Variants in GPC5 observed in about 807,000 individuals in gnomAD.
The protein encoded by GPC5 is glypican 5.
Under a neutral mutation model 53.9 loss-of-function variants are expected in GPC5, and 47 were observed. The ratio of observed to expected loss-of-function variants is 0.87; its 90% confidence interval spans 0.69 to 1.11. GPC5 has a LOEUF of 1.11. Ranked by LOEUF, GPC5 falls within the 50% of genes most tolerant of loss-of-function variation. The pLI is 0.00. For synonymous variants in GPC5, 286 were observed against 263.3 expected (o/e 1.09, Z -0.84); for missense variants, 748 against 713.1 (o/e 1.05, Z -0.56).
intron 5 of GPC5, among the ~76,000 whole-genome samples, chr13:91,854,934 T>C (rs7985482): frequency 0.19 from 28,525 of 151,590 alleles, 2,975 homozygotes; most frequent in East Asian, 0.31. Flanking sequence ...CACTTTCAAG[T>C]CACACGATTT....
intron 7 of GPC5, among the ~76,000 whole-genome samples, chr13:92,242,880 T>C (rs1157027740): frequency 6.6e-6 from 1 of 152,164 alleles, no homozygotes; most frequent in Non-Finnish European, 1.5e-5. Context: ...AAAGAAATAT[T>C]AAAGCTATAG....
At position 91,576,930 on chromosome 13, in the gene GPC5, T is replaced by TA. The variant is rs5805706; in HGVS notation, c.326-116245dup. On this transcript the variant is annotated intron_variant, in intron 2 of 7. Transcript: ENST00000377067. ...CAATATTTAGCTTCTGGTTCATCTG[T>TA]AAAAAAAAAAAATTTGTATGTGAAA... 8.2e-3 allele frequency among the ~76,000 whole-genome samples: 1,228 copies of TA among 149,574 alleles called. 5 individuals carry two copies. The highest frequency in any genetic ancestry group is 0.012 in the Non-Finnish European group (831 of 67,084).
chr13:91,860,168 T>TCCGATC (rs1055287920), intron 5 of GPC5, among the ~76,000 whole-genome samples: 4 of 152,182 alleles, frequency 2.6e-5, no homozygotes, highest in African/African-American at 9.6e-5. Context: ...AACTTATTCC[T>TCCGATC]CCGATCCAGC....
At chr13:91,493,532 T>C (rs557588775) in intron 2 of GPC5, among the ~76,000 whole-genome samples, 1 of 152,274 alleles carries the variant, frequency 6.6e-6, no homozygotes, top group South Asian at 2.1e-4. Flanking sequence ...ACCAACCTTC[T>C]ACTGTCTATC....
intron 2 of GPC5, among the ~76,000 whole-genome samples, chr13:91,635,237 A>T (rs2034258185): frequency 6.6e-6 from 1 of 152,150 alleles, no homozygotes; most frequent in Non-Finnish European, 1.5e-5. Context: ...ATAGAAGCCT[A>T]ATATAAACTC....
intron 7 of GPC5, among the ~76,000 whole-genome samples, chr13:92,789,432 A>AGAT (rs1330902769): frequency 6.6e-6 from 1 of 152,232 alleles, no homozygotes; most frequent in Non-Finnish European, 1.5e-5. Flanking sequence ...ACTGCTGACA[A>AGAT]GATTACACAG....
At chr13:92,840,121 A>G (rs1159589365) in intron 7 of GPC5, among the ~76,000 whole-genome samples, 1 of 115,028 alleles carries the variant, frequency 8.7e-6, no homozygotes, top group Admixed American at 9.2e-5. Context: ...ATATATATAT[A>G]TATGAGTACA....
At chr13:92,632,837 A>G (rs1885296412) in intron 7 of GPC5, among the ~76,000 whole-genome samples, 1 of 152,050 alleles carries the variant, frequency 6.6e-6, no homozygotes, top group African/African-American at 2.4e-5. Context: ...TTTTGCATGG[A>G]TGGCAGCAAG....
chr13:91,698,716 T>G (rs1293148415), intron 3 of GPC5, among the ~76,000 whole-genome samples: 1 of 152,096 alleles, frequency 6.6e-6, no homozygotes, highest in Non-Finnish European at 1.5e-5. Context: ...TAAATTTAGA[T>G]ATTAAATGCA....
chr13:91,800,005 C>A (rs189650018), intron 5 of GPC5, among the ~76,000 whole-genome samples: 2 of 152,088 alleles, frequency 1.3e-5, no homozygotes, highest in African/African-American at 4.8e-5. Flanking sequence ...CAAGTATCAA[C>A]CCTAGTTTTT....
chr13:92,639,076 C>A (rs558344356), intron 7 of GPC5, among the ~76,000 whole-genome samples: 82 of 152,274 alleles, frequency 5.4e-4, no homozygotes, highest in Non-Finnish European at 9.9e-4. Flanking sequence ...CTGTCTTTTA[C>A]ATAATATCCT....
chr13:92,730,495 C>T (rs889524839), intron 7 of GPC5, among the ~76,000 whole-genome samples: 4 of 151,254 alleles, frequency 2.6e-5, no homozygotes, highest in African/African-American at 9.7e-5. Context: ...TGTTGTCTTC[C>T]AGGAGTTTTA....
chr13:91,876,745 A>C lies in GPC5; in HGVS notation c.1281-31192A>C, dbSNP rs145489153. Among the ~76,000 whole-genome samples the C allele has an allele frequency of 2.3e-3, 356 of 152,350 alleles. 4 individuals carry two copies. The highest frequency in any genetic ancestry group is 5.3e-3 in the African/African-American group (222 of 41,576). On this transcript the variant is annotated intron_variant, in intron 5 of 7. Coordinates refer to ENST00000377067, the MANE Select transcript of GPC5 (RefSeq NM_004466.6). Reference sequence around the variant, plus strand: ...CGGGGGAGAAATTCAAGCTGGCTGGAGAAATTTGCATAAGTAGCAAGGAGC... The same window carrying C: ...CGGGGGAGAAATTCAAGCTGGCTGGCGAAATTTGCATAAGTAGCAAGGAGC...
chr13:92,176,718 C>T (rs2042111280), intron 7 of GPC5, among the ~76,000 whole-genome samples: 1 of 152,164 alleles, frequency 6.6e-6, no homozygotes, highest in African/African-American at 2.4e-5. Context: ...GTGCCTGGAG[C>T]TAGGCCCAGT....
rs370409305 is a variant in GPC5 at position 91,460,019 on chromosome 13, T to C, written c.325+11097T>C. 2.3e-4 allele frequency among the ~76,000 whole-genome samples: 35 copies of C among 152,292 alleles called. 1 individual carries two copies. The South Asian group carries it at 6.8e-3, about 30-fold the overall frequency. Reference sequence around the variant, plus strand: ...AATGCGATAGCATTGTATAAAGTTATATGATGAAAATCATGAGTTTGTATA... The same window carrying C: ...AATGCGATAGCATTGTATAAAGTTACATGATGAAAATCATGAGTTTGTATA... On this transcript the variant is annotated intron_variant, in intron 2 of 7. Coordinates refer to ENST00000377067, the MANE Select transcript of GPC5 (RefSeq NM_004466.6).
chr13:91,998,022 T>C (rs1314985638), intron 6 of GPC5, among the ~76,000 whole-genome samples: 1 of 152,250 alleles, frequency 6.6e-6, no homozygotes, highest in Non-Finnish European at 1.5e-5. Context: ...TATAGTAGTT[T>C]ATAAATAGTA....
chr13:92,149,778 G>C (rs1303412785), intron 7 of GPC5, among the ~76,000 whole-genome samples: 1 of 151,922 alleles, frequency 6.6e-6, no homozygotes, highest in Non-Finnish European at 1.5e-5. Context: ...AAGTTAAGGA[G>C]ACCTTAAAAA....
chr13:92,172,094 G>A (rs761062738), intron 7 of GPC5, among the ~76,000 whole-genome samples: 3 of 152,162 alleles, frequency 2.0e-5, no homozygotes, highest in South Asian at 2.1e-4. Context: ...GCTCTAAGAA[G>A]CATAATAGTA....
intron 2 of GPC5, among the ~76,000 whole-genome samples, chr13:91,688,092 A>C (rs1046734159): frequency 3.3e-5 from 5 of 152,142 alleles, no homozygotes; most frequent in Non-Finnish European, 7.4e-5. Context: ...TAAAATGGAA[A>C]CACTCAACTC....
Sources: allele counts gnomAD v4.1 joint callset (sites outside exome capture counted in the v4.1 genomes callset), GRCh38; gene constraint gnomAD v4.1.1; transcripts MANE v1.5; gene names NCBI Gene and HGNC (gene_info 2026-07-23, HGNC 2026-07-21).